SND1: variants seen among roughly 807,000 people sequenced by gnomAD.
SND1 encodes the protein staphylococcal nuclease domain-containing protein 1.
SND1 carries 38 observed loss-of-function variants against 121.7 expected under a neutral mutation model. That is an observed-to-expected ratio of 0.31 (90% confidence interval 0.24 to 0.41). The LOEUF (loss-of-function observed/expected upper bound fraction) is 0.41, where lower values mean the gene tolerates loss of function less well. Ranked by LOEUF, SND1 falls within the 10% of genes least tolerant of loss-of-function variation. The pLI is 1.00. For synonymous variants in SND1, 401 were observed against 447.4 expected (o/e 0.90, Z 1.31); for missense variants, 868 against 1,184.6 (o/e 0.73, Z 3.92).
chr7:127,759,779 A>G (rs1797268341), intron 10 of SND1, among the ~76,000 whole-genome samples: 1 of 152,126 alleles, frequency 6.6e-6, no homozygotes, highest in South Asian at 2.1e-4. Flanking sequence ...CCAATCCAAC[A>G]CCACAGGGTT....
chr7:127,971,138 T>G (rs1801977534), intron 15 of SND1, among the ~76,000 whole-genome samples: 1 of 152,182 alleles, frequency 6.6e-6, no homozygotes, highest in Admixed American at 6.5e-5. Context: ...CTGATTGTTT[T>G]GCTGGAGTTC....
rs1233067120 is a variant in SND1 at position 127,966,881 on chromosome 7, C to CA, written c.1670-24060dup. Among the ~76,000 whole-genome samples, 3 of 150,640 alleles carry CA rather than the reference C, an allele frequency of 2.0e-5. No individual in the cohort carries two copies. The East Asian group carries it at 5.9e-4, about 29-fold the overall frequency. ...AGCAGAACTGAAGGAAATAGAGACACAAAAAACCCTTCAAAAAATCAATGA... is the reference window on the plus strand; with the variant it reads ...AGCAGAACTGAAGGAAATAGAGACACAAAAAAACCCTTCAAAAAATCAATGA... On this transcript the variant is annotated intron_variant, in intron 15 of 23. Transcript: ENST00000354725.
intron 15 of SND1, among the ~76,000 whole-genome samples, chr7:127,962,772 G>A (rs1801763186): frequency 6.6e-6 from 1 of 152,166 alleles, no homozygotes; most frequent in Admixed American, 6.5e-5. Flanking sequence ...AAATGGAGTG[G>A]CATTGTCATA....
chr7:127,665,084 G>A (rs1562971264), intron 1 of SND1, among the ~76,000 whole-genome samples: 1 of 152,052 alleles, frequency 6.6e-6, no homozygotes, highest in East Asian at 1.9e-4. Context: ...CCTAATCCTG[G>A]TATTGGTTTA....
At chr7:127,851,712 T>A (rs1236219793) in intron 12 of SND1, among the ~76,000 whole-genome samples, 2 of 152,220 alleles carry the variant, frequency 1.3e-5, no homozygotes, top group African/African-American at 2.4e-5. Context: ...TTACAGACTA[T>A]TCTTTTAATC....
At chr7:127,807,689 A>G (rs1195083383) in intron 11 of SND1, 116 bp downstream of exon 11, 1 of 768,494 alleles carries the variant, frequency 1.3e-6, no homozygotes, top group East Asian at 2.6e-5. Context: ...CCATCAAGTC[A>G]AATGGAATTA....
intron 11 of SND1, among the ~76,000 whole-genome samples, chr7:127,830,487 G>A (rs1798718152): frequency 6.6e-6 from 1 of 152,146 alleles, no homozygotes; most frequent in South Asian, 2.1e-4. Flanking sequence ...TGTTCCTCTG[G>A]ATTCTGTTCC....
intron 16 of SND1, among the ~76,000 whole-genome samples, chr7:128,062,651 C>T (rs1379844508): frequency 6.6e-6 from 1 of 152,204 alleles, no homozygotes; most frequent in Non-Finnish European, 1.5e-5. Flanking sequence ...TTCTGGCCTG[C>T]AAGAGGGATT....
intron 12 of SND1, among the ~76,000 whole-genome samples, chr7:127,868,231 A>G (rs1307012021): frequency 1.3e-5 from 2 of 152,128 alleles, no homozygotes; most frequent in Non-Finnish European, 1.5e-5. Flanking sequence ...TTCTCTACTT[A>G]AAAAATAGCC....
intron 14 of SND1, among the ~76,000 whole-genome samples, chr7:127,910,504 G>A (rs543018810): frequency 7.2e-5 from 11 of 152,122 alleles, no homozygotes; most frequent in South Asian, 2.1e-4. Context: ...TCTGAAGAAG[G>A]TAAAAGGAGC....
chr7:128,030,146 G>GT, intron 16 of SND1: 1 of 1,614,214 alleles, frequency 6.2e-7, no homozygotes, highest in Non-Finnish European at 8.5e-7. Context: ...GGTTGAAGGC[G>GT]TAAGAGGGGA....
intron 13 of SND1, among the ~76,000 whole-genome samples, chr7:127,898,387 C>G (rs997056316): frequency 2.0e-5 from 3 of 152,108 alleles, no homozygotes; most frequent in African/African-American, 7.2e-5. Flanking sequence ...ATTGAAAATG[C>G]AGCTGCATAA....
chr7:128,049,677 T>TA (rs1344235704), intron 16 of SND1, among the ~76,000 whole-genome samples: 21 of 152,128 alleles, frequency 1.4e-4, no homozygotes, highest in African/African-American at 4.8e-4. Flanking sequence ...CCCTGTCACT[T>TA]ACCAGCTGCA....
At chr7:127,827,824 AAAAT>A (rs1798670065) in intron 11 of SND1, among the ~76,000 whole-genome samples, 1 of 152,156 alleles carries the variant, frequency 6.6e-6, no homozygotes, top group Non-Finnish European at 1.5e-5. Context: ...TTTACAGAGA[AAAAT>A]AAAGGAATAG....
chr7:127,895,395 A>G (rs1800098825), intron 13 of SND1, among the ~76,000 whole-genome samples: 1 of 152,086 alleles, frequency 6.6e-6, no homozygotes, highest in South Asian at 2.1e-4. Flanking sequence ...GCATTACATC[A>G]TGCCAGTACA....
At chr7:128,062,266 G>A (rs936970397) in intron 16 of SND1, among the ~76,000 whole-genome samples, 1 of 152,236 alleles carries the variant, frequency 6.6e-6, no homozygotes, top group African/African-American at 2.4e-5. Context: ...GCTTCTGTCA[G>A]GCTTTCTGCT....
intron 16 of SND1, among the ~76,000 whole-genome samples, chr7:128,024,977 A>G (rs141621066): frequency 6.6e-6 from 1 of 152,256 alleles, no homozygotes; most frequent in African/African-American, 2.4e-5. Context: ...AGGCCAAGCC[A>G]CCTTTTCTAA....
intron 8 of SND1, among the ~76,000 whole-genome samples, chr7:127,706,269 T>G (rs1370795064): frequency 2.3e-5 from 2 of 86,408 alleles, no homozygotes; most frequent in South Asian, 9.0e-4. Flanking sequence ...CCCCACCTTT[T>G]TTTTTTGAGA....
At chr7:128,071,864 G>A (rs1376904430) in intron 16 of SND1, among the ~76,000 whole-genome samples, 1 of 152,214 alleles carries the variant, frequency 6.6e-6, no homozygotes, top group Admixed American at 6.5e-5. Context: ...GGATGGATTC[G>A]GTGGCAGCAC....
Sources: gnomAD v4.1 joint callset for allele counts (sites outside exome capture counted in the v4.1 genomes callset) on GRCh38, gnomAD v4.1.1 for gene constraint, MANE v1.5 for transcripts, NCBI Gene and HGNC (gene_info 2026-07-23, HGNC 2026-07-21) for gene names.